The following USP50 variants were observed in gnomAD, a reference collection of about 807,000 sequenced individuals.
USP50 encodes ubiquitin specific peptidase 50, also known as ubiquitin carboxyl-terminal hydrolase 50.
In USP50, 37 loss-of-function variants were observed where a neutral mutation model predicts 39.2. That is an observed-to-expected ratio of 0.94 (90% CI 0.73 to 1.24). The LOEUF is 1.24. Ranked by LOEUF, USP50 falls within the 50% of genes most tolerant of loss-of-function variation. The probability of loss-of-function intolerance (pLI) is 0.00; values close to 1 mark genes in which losing one functional copy is unlikely to be tolerated. For synonymous variants in USP50, 139 were observed against 144.5 expected (o/e 0.96, Z 0.27); for missense variants, 374 against 398.2 (o/e 0.94, Z 0.52).
In USP50 at chr15:50,546,665, C is replaced by T. The variant is rs1205390923; in HGVS notation, c.-140G>A. On this transcript the variant is annotated 5_prime_UTR_variant, in exon 1 of 7. Transcript: ENST00000532404. Reference sequence around the variant, plus strand: ...TCCTCTCTCTTCCAGTAGCTGCGAACTGATTTTCACCTGTATCAGGCACCA... The same window carrying T: ...TCCTCTCTCTTCCAGTAGCTGCGAATTGATTTTCACCTGTATCAGGCACCA... The T allele has an allele frequency of 2.4e-6, 2 of 832,094 alleles. No individual in the cohort carries two copies. The highest frequency in any genetic ancestry group is 3.9e-6 in the Non-Finnish European group (2 of 515,608). 51.5% of individuals were successfully genotyped at this position (832,094 alleles called of 1,614,324 possible).
chr15:50,529,813 T>G lies in USP50; in HGVS notation c.920A>C (p.Asn307Thr). The change falls in exon 6 of 7, where the codon AAC becomes ACC. Residue 307 changes from asparagine (N) to threonine (T), a missense_variant. Physicochemically the swap from Asn to Thr is moderately conservative, Grantham distance 65. Transcript: ENST00000532404. ...TTTACTCACCACCACTGCACAGAGG[T>G]TGTATTTAGGATATTTCCGGAAAAT... ...CSIFRKYPKY[N>T]LCAVVNHFGD... 1 of 1,613,370 alleles carries G rather than the reference T, an allele frequency of 6.2e-7. No individual in the cohort carries two copies. Among genetic ancestry groups the G allele is most frequent in the South Asian group, 1.1e-5 (1 of 91,054 alleles).
At chr15:50,522,507 T>C (rs1183404708) in intron 6 of USP50, among the ~76,000 whole-genome samples, 3 of 152,062 alleles carry the variant, frequency 2.0e-5, no homozygotes, top group African/African-American at 7.2e-5. Flanking sequence ...TTCCAATAAA[T>C]TGAACCAGAG....
intron 5 of USP50, among the ~76,000 whole-genome samples, chr15:50,535,413 G>A (rs1046609169): frequency 3.9e-5 from 6 of 152,160 alleles, no homozygotes; most frequent in African/African-American, 1.4e-4. Context: ...GGCTAAATAA[G>A]GGTAAGTTAG....
intron 6 of USP50, among the ~76,000 whole-genome samples, chr15:50,515,246 T>C (rs945672659): frequency 6.6e-6 from 1 of 152,002 alleles, no homozygotes; most frequent in Non-Finnish European, 1.5e-5. Context: ...TTTGTTGTTG[T>C]TGTTGTTGTT....
At chr15:50,528,280 C>CT (rs5812519) in intron 6 of USP50, among the ~76,000 whole-genome samples, 32,039 of 146,570 alleles carry the variant, frequency 0.22, 3,690 homozygotes, top group East Asian at 0.47. Flanking sequence ...CACATAATTA[C>CT]TTTTTTTTTT....
downstream of USP50, chr15:50,493,521 C>T (rs775311780): frequency 6.4e-5 from 33 of 516,168 alleles, no homozygotes; most frequent in Non-Finnish European, 1.1e-4. Flanking sequence ...GGGAGGCTGA[C>T]GTGGGCAGAT....
chr15:50,503,443 C>T (rs923881976), intron 6 of USP50: 6 of 152,222 alleles, frequency 3.9e-5, no homozygotes, highest in Non-Finnish European at 7.3e-5. Context: ...AAAGGTCACG[C>T]AAGGACACTC....
At chr15:50,541,386 A>T in intron 3 of USP50, 122 bp from the exon 4 acceptor site, 2 of 734,338 alleles carry the variant, frequency 2.7e-6, no homozygotes, top group Non-Finnish European at 4.4e-6. Flanking sequence ...GGTGGCACAC[A>T]TCTGTGGTGC....
intron 5 of USP50, chr15:50,532,093 G>A (rs2052944735): frequency 4.4e-6 from 2 of 456,070 alleles, no homozygotes; most frequent in African/African-American, 2.0e-5. Context: ...TGAATTGCTA[G>A]AGGCTCAGTG....
chr15:50,534,921 A>T (rs1378062454), intron 5 of USP50, among the ~76,000 whole-genome samples: 1 of 152,120 alleles, frequency 6.6e-6, no homozygotes, highest in Non-Finnish European at 1.5e-5. Flanking sequence ...TGGGCGGGCC[A>T]CTTGAAGTCA....
downstream of USP50, chr15:50,498,803 C>T: frequency 6.4e-7 from 1 of 1,550,934 alleles, no homozygotes; most frequent in Non-Finnish European, 8.7e-7. Context: ...TTTCCTACCT[C>T]ATGGAAGAGT....
chr15:50,497,232 G>A, downstream of USP50: 1 of 1,596,960 alleles, frequency 6.3e-7, no homozygotes, highest in Non-Finnish European at 8.5e-7. Context: ...ATCTGAAACG[G>A]TAAAGGGGAA....
chr15:50,493,147 G>A, downstream of USP50: 1 of 606,386 alleles, frequency 1.6e-6, no homozygotes, highest in South Asian at 1.5e-5. Context: ...GGAAGCGAAA[G>A]AGGACAGACT....
In USP50 at chr15:50,529,833, G is replaced by A. The variant is rs1186850430; in HGVS notation, c.900C>T (p.Phe300=). Residue 300 remains phenylalanine, a synonymous_variant, in exon 6 of 7, where the codon TTC becomes TTT. Transcript: ENST00000532404. ...AGAGGTTGTATTTAGGATATTTCCG[G>A]AAAATTGAGCAAATATAAGGAGTGA... ...LDLTPYICSI[F]RKYPKYNLCA... 1 of 1,613,872 alleles carries A rather than the reference G, an allele frequency of 6.2e-7. No homozygotes were observed. The highest frequency in any genetic ancestry group is 8.5e-7 in the Non-Finnish European group (1 of 1,179,864).
intron 5 of USP50, among the ~76,000 whole-genome samples, 188 bp downstream of exon 5, chr15:50,538,521 T>C (rs938505497): frequency 2.6e-5 from 4 of 152,172 alleles, no homozygotes; most frequent in African/African-American, 9.7e-5. Flanking sequence ...AATTGTATGA[T>C]TATAATTGCT....
At chr15:50,499,112 T>TATC (rs757931544), downstream of USP50, 2 of 1,556,342 alleles carry the variant, frequency 1.3e-6, no homozygotes, top group African/African-American at 2.7e-5. Context: ...ATAAACTAGT[T>TATC]ATCTTTTAAA....
Position 50,500,618 on chromosome 15 carries a change from G to T in USP50, c.*151C>A. The stretch of plus-strand genomic sequence containing the variant: ...CTCTACCACCAGATGCTGACTGCTT[G>T]TTTTGCAGTGTTCAGGAAACACCAT... On this transcript the variant is annotated 3_prime_UTR_variant, in exon 7 of 7. Coordinates refer to ENST00000532404, the MANE Select transcript of USP50 (RefSeq NM_203494.5). 1 of 646,958 alleles carries T rather than the reference G, an allele frequency of 1.5e-6. No individual in the cohort carries two copies. The highest frequency in any genetic ancestry group is 2.8e-5 in the Admixed American group (1 of 36,082). The allele number at this position is 646,958 out of a possible 1,614,324, so 40.1% of individuals were successfully genotyped here. A position where few individuals can be genotyped will look rare whatever the true frequency, so the allele number is the denominator to read the frequency against.
intron 6 of USP50, among the ~76,000 whole-genome samples, chr15:50,523,175 C>CTTTTTTTTTTTT (rs57450027): frequency 0.013 from 1,373 of 104,070 alleles, 89 homozygotes; most frequent in African/African-American, 0.015. Flanking sequence ...AAATCAGTAG[C>CTTTTTTTTTTTT]TTTTTTTTTT....
At chr15:50,538,147 T>C (rs1011212964) in intron 5 of USP50, among the ~76,000 whole-genome samples, 1 of 147,402 alleles carries the variant, frequency 6.8e-6, no homozygotes, top group Non-Finnish European at 1.5e-5. Flanking sequence ...TGCGGTGGCG[T>C]GCACCTGTAG....
Sources: gnomAD v4.1 joint callset for allele counts (sites outside exome capture counted in the v4.1 genomes callset) on GRCh38, gnomAD v4.1.1 for gene constraint, MANE v1.5 for transcripts, NCBI Gene and HGNC (gene_info 2026-07-23, HGNC 2026-07-21) for gene names.